The following TRIO variants were observed in gnomAD, a reference collection of about 807,000 sequenced individuals.
TRIO encodes triple functional domain protein.
Under a neutral mutation model 351.9 loss-of-function variants are expected in TRIO, and 58 were observed. The ratio of observed to expected loss-of-function variants is 0.16; its 90% CI spans 0.13 to 0.21. The LOEUF (loss-of-function observed/expected upper bound fraction) is 0.21. Ranked by LOEUF, TRIO falls within the 10% of genes least tolerant of loss-of-function variation. The pLI is 1.00. For missense variants in TRIO, 3,201 were observed against 4,027.8 expected (o/e 0.79, Z 5.56); for synonymous variants, 1,758 against 1,595.7 (o/e 1.10, Z -2.42).
chr5:14,263,345 C>T (rs1795470168), intron 1 of TRIO, among the ~76,000 whole-genome samples: 1 of 151,906 alleles, frequency 6.6e-6, no homozygotes, highest in South Asian at 2.1e-4. Context: ...GGTTGAGAGC[C>T]CCTCTGGCCC....
At chr5:14,456,454 G>A (rs1753316431) in intron 34 of TRIO, among the ~76,000 whole-genome samples, 1 of 152,232 alleles carries the variant, frequency 6.6e-6, no homozygotes, top group South Asian at 2.1e-4. Context: ...ACAGGGCTCT[G>A]ACCACAGGGC....
At chr5:14,255,086 T>C (rs953097253) in intron 1 of TRIO, among the ~76,000 whole-genome samples, 4 of 152,258 alleles carry the variant, frequency 2.6e-5, no homozygotes, top group African/African-American at 9.6e-5. Context: ...TCCACTAATA[T>C]GCCTGTTTCT....
intron 46 of TRIO, among the ~76,000 whole-genome samples, chr5:14,484,812 A>C (rs746576797): frequency 1.3e-5 from 2 of 151,092 alleles, no homozygotes; most frequent in Non-Finnish European, 2.9e-5. Flanking sequence ...TCCTATCCCC[A>C]CATTTGACTA....
At chr5:14,205,668 G>A (rs772450288) in intron 1 of TRIO, among the ~76,000 whole-genome samples, 1 of 152,204 alleles carries the variant, frequency 6.6e-6, no homozygotes, top group Non-Finnish European at 1.5e-5. Context: ...TTCAGAAGAT[G>A]CCAGTTGGTT....
rs1744810512 is a variant in TRIO at position 14,368,690 on chromosome 5, T to G, written c.2875-18T>G. ...GGACACTGACAAATAAGCCTTCCCTTTTGTTCTCTGTCTCTAGAAAACACA... is the reference window on the plus strand; with the variant it reads ...GGACACTGACAAATAAGCCTTCCCTGTTGTTCTCTGTCTCTAGAAAACACA... On this transcript the variant is annotated intron_variant, in intron 16 of 56. Transcript: ENST00000344204. The G allele has an allele frequency of 4.4e-6, 7 of 1,604,842 alleles. No individual in the cohort carries two copies. The highest frequency in any genetic ancestry group is 6.0e-6 in the Non-Finnish European group (7 of 1,172,694).
In TRIO at chr5:14,507,998, A is replaced by T; in HGVS notation, c.8870A>T (p.Glu2957Val). The change falls in exon 57 of 57, where the codon GAA becomes GTA. Residue 2957 changes from glutamate to valine, a missense_variant. This residue lies in a region of TRIO where 233 missense variants were observed against 292.6 expected (regional missense o/e 0.80). Coordinates refer to ENST00000344204, the MANE Select transcript of TRIO (RefSeq NM_007118.4). ...ATCCACCAGTTACTGGGGAACCCTG[A>T]ATTCGCAGCCCCTGAAATCATCCTC... ...YYIHQLLGNP[E>V]FAAPEIILGN... 6.2e-7 allele frequency: 1 copy of T among 1,614,188 alleles called. No homozygotes were observed.
chr5:14,193,849 TGAG>T (rs1326975639), intron 1 of TRIO, among the ~76,000 whole-genome samples: 2 of 152,240 alleles, frequency 1.3e-5, no homozygotes, highest in African/African-American at 4.8e-5. Flanking sequence ...GCAATGATGA[TGAG>T]GATGCTGACC....
At chr5:14,382,254 G>GGAATTTTT (rs2152355133) in intron 21 of TRIO, among the ~76,000 whole-genome samples, 1 of 152,270 alleles carries the variant, frequency 6.6e-6, no homozygotes, top group African/African-American at 2.4e-5. Flanking sequence ...AAACATAACA[G>GGAATTTTT]GAATTTTTCA....
At chr5:14,443,197 C>T (rs928930109) in intron 34 of TRIO, among the ~76,000 whole-genome samples, 1 of 152,158 alleles carries the variant, frequency 6.6e-6, no homozygotes, top group African/African-American at 2.4e-5. Context: ...GTTCTTCAAG[C>T]TGTCACCTCA....
chr5:14,257,142 G>T (rs1374657529), intron 1 of TRIO, among the ~76,000 whole-genome samples: 1 of 152,240 alleles, frequency 6.6e-6, no homozygotes, highest in Non-Finnish European at 1.5e-5. Context: ...AATGAGGTCT[G>T]TCTGTGCCTC....
chr5:14,317,996 G>T (rs971401011), intron 9 of TRIO, among the ~76,000 whole-genome samples: 2 of 151,962 alleles, frequency 1.3e-5, no homozygotes, highest in Non-Finnish European at 2.9e-5. Flanking sequence ...GTGTGGTGGC[G>T]CATGCCTGTA....
intron 33 of TRIO, among the ~76,000 whole-genome samples, chr5:14,410,981 T>C (rs1268330677): frequency 3.3e-5 from 5 of 152,248 alleles, no homozygotes; most frequent in African/African-American, 1.2e-4. Flanking sequence ...CACAATGATC[T>C]TATGAAAATA....
intron 1 of TRIO, among the ~76,000 whole-genome samples, chr5:14,157,491 G>C (rs961160594): frequency 1.1e-4 from 11 of 96,940 alleles, no homozygotes; most frequent in Admixed American, 3.4e-4. Context: ...CTCTCTCCCT[G>C]TCTCCCTCTC....
intron 1 of TRIO, among the ~76,000 whole-genome samples, chr5:14,167,770 C>T (rs139375227): frequency 3.0e-4 from 45 of 152,280 alleles, no homozygotes; most frequent in African/African-American, 1.1e-3. Context: ...GAGCATGGTT[C>T]TGGGTGGATG....
intron 8 of TRIO, 85 bp downstream of exon 8, chr5:14,304,677 G>T: frequency 1.4e-6 from 2 of 1,464,204 alleles, no homozygotes; most frequent in Admixed American, 2.3e-5. Flanking sequence ...AAAAGTTTTG[G>T]GTAGCCCAGA....
intron 34 of TRIO, among the ~76,000 whole-genome samples, chr5:14,428,725 A>G (rs576971556): frequency 6.6e-6 from 1 of 152,374 alleles, no homozygotes; most frequent in Admixed American, 6.5e-5. Flanking sequence ...GACACTATCC[A>G]TATTAGATCA....
At chr5:14,240,371 G>A (rs1794056625) in intron 1 of TRIO, among the ~76,000 whole-genome samples, 1 of 152,172 alleles carries the variant, frequency 6.6e-6, no homozygotes, top group Non-Finnish European at 1.5e-5. Context: ...GTTCTCAGTG[G>A]TGAAAAGATT....
chr5:14,487,984 G>A lies in TRIO; in HGVS notation c.7356G>A (p.Gly2452=), dbSNP rs1465106206. The stretch of plus-strand genomic sequence containing the variant: ...TGCCGCTTGGGAAGCCCCGGGCCGG[G>A]GCCGCTTCGCCGCTGAACTCGCCGC... ...GTLPLGKPRA[G]AASPLNSPLS... Residue 2452 remains glycine, a synonymous_variant, in exon 48 of 57, where the codon GGG becomes GGA. Coordinates refer to ENST00000344204, the MANE Select transcript of TRIO (RefSeq NM_007118.4). 1.9e-6 allele frequency: 3 copies of A among 1,557,872 alleles called. No homozygotes were observed. The highest frequency in any genetic ancestry group is 2.6e-6 in the Non-Finnish European group (3 of 1,152,188).
chr5:14,158,392 T>C lies in TRIO; in HGVS notation c.157+14510T>C, dbSNP rs1410792183. 2.0e-5 allele frequency among the ~76,000 whole-genome samples: 3 copies of C among 150,424 alleles called. No homozygotes were observed. The East Asian group carries it at 5.9e-4, about 29-fold the overall frequency. On this transcript the variant is annotated intron_variant, in intron 1 of 56. Coordinates refer to ENST00000344204, the MANE Select transcript of TRIO (RefSeq NM_007118.4). Reference sequence around the variant, plus strand: ...GTGAACTGAGATCACGCCACTGCACTACAGCCTGGCGGCAGAGTGAGACTC... The same window carrying C: ...GTGAACTGAGATCACGCCACTGCACCACAGCCTGGCGGCAGAGTGAGACTC...
Sources: allele counts gnomAD v4.1 joint callset (sites outside exome capture counted in the v4.1 genomes callset), GRCh38; gene constraint gnomAD v4.1.1; regional missense constraint gnomAD v4.1.1; transcripts MANE v1.5; gene names NCBI Gene and HGNC (gene_info 2026-07-23, HGNC 2026-07-21).